PRDM16: variants seen among roughly 807,000 people sequenced by gnomAD.
PRDM16 encodes the protein histone-lysine N-methyltransferase PRDM16.
PRDM16 carries 23 observed loss-of-function variants against 110.6 expected under a neutral mutation model. That is an observed-to-expected ratio of 0.21 (90% CI 0.15 to 0.29). The LOEUF (loss-of-function observed/expected upper bound fraction) is 0.29, where lower values mean the gene tolerates loss of function less well. PRDM16 is among the 10% of genes least tolerant of loss of function. The pLI is 1.00. For synonymous variants in PRDM16, 799 were observed against 781.8 expected (o/e 1.02, Z -0.37); for missense variants, 1,615 against 1,794.3 (o/e 0.90, Z 1.81).
At chr1:3,345,457 C>G (rs765238935) in intron 3 of PRDM16, among the ~76,000 whole-genome samples, 50 of 152,186 alleles carry the variant, frequency 3.3e-4, no homozygotes, top group Non-Finnish European at 5.7e-4. Context: ...TGGCCTCATT[C>G]TGTCATCCTT....
chr1:3,133,112 C>T (rs1643367779), intron 1 of PRDM16: 2 of 152,274 alleles, frequency 1.3e-5, no homozygotes, highest in South Asian at 2.1e-4. Flanking sequence ...ACCAGCCCCG[C>T]ACCCTCCAGG....
At chr1:3,416,346 G>A (rs547166604) in intron 10 of PRDM16, among the ~76,000 whole-genome samples, 3 of 152,208 alleles carry the variant, frequency 2.0e-5, no homozygotes, top group African/African-American at 4.8e-5. Context: ...GACCCCAGCC[G>A]CGTGATGGGA....
At position 3,358,707 on chromosome 1, in the gene PRDM16, G is replaced by A. The variant is rs1455489873; in HGVS notation, c.439-26445G>A. On this transcript the variant is annotated intron_variant, in intron 3 of 16. Coordinates refer to ENST00000270722, the MANE Select transcript of PRDM16 (RefSeq NM_022114.4). This position sits in a 1 kb window ranked among gnomAD's most constrained non-coding sequence, Gnocchi z 4.0. Reference sequence around the variant, plus strand: ...GCTGGGGCTCCCGTGAACAAATATCGCCACGTGTGCGCGATCAGAGCTGAG... The same window carrying A: ...GCTGGGGCTCCCGTGAACAAATATCACCACGTGTGCGCGATCAGAGCTGAG... 6.6e-6 allele frequency among the ~76,000 whole-genome samples: 1 copy of A among 152,100 alleles called. No homozygotes were observed. Among genetic ancestry groups the A allele is most frequent in the Non-Finnish European group, 1.5e-5 (1 of 68,034 alleles).
chr1:3,322,457 G>C (rs776133901), intron 3 of PRDM16, among the ~76,000 whole-genome samples: 1 of 152,146 alleles, frequency 6.6e-6, no homozygotes, highest in Non-Finnish European at 1.5e-5. Context: ...CCTGGGCCTC[G>C]GGAATGAACC....
intron 3 of PRDM16, among the ~76,000 whole-genome samples, chr1:3,292,332 CTGCTCATTTTTAG>C (rs1640994051): frequency 6.6e-6 from 1 of 152,226 alleles, no homozygotes; most frequent in African/African-American, 2.4e-5. Flanking sequence ...CTTTCCAAAC[CTGCTCATTTTTAG>C]CCCCTGGGAA....
At chr1:3,188,059 A>G (rs1224537410) in intron 2 of PRDM16, among the ~76,000 whole-genome samples, 1 of 152,180 alleles carries the variant, frequency 6.6e-6, no homozygotes, top group African/African-American at 2.4e-5. Flanking sequence ...TTGGAGTCGA[A>G]GACCTCAGTG....
At chr1:3,344,847 T>G (rs1445664729) in intron 3 of PRDM16, among the ~76,000 whole-genome samples, 1 of 152,240 alleles carries the variant, frequency 6.6e-6, no homozygotes, top group Non-Finnish European at 1.5e-5. Flanking sequence ...ATCATCAAGC[T>G]CTTCTAAGTT....
At chr1:3,195,734 G>A (rs544533132) in intron 2 of PRDM16, among the ~76,000 whole-genome samples, 7 of 152,296 alleles carry the variant, frequency 4.6e-5, no homozygotes, top group African/African-American at 7.2e-5. Flanking sequence ...GGGCTTCTGC[G>A]TGGGGGCGTG....
At chr1:3,207,790 G>T (rs903142622) in intron 2 of PRDM16, 2 of 152,158 alleles carry the variant, frequency 1.3e-5, no homozygotes, top group Non-Finnish European at 2.9e-5. Context: ...TGACTCCAAG[G>T]CCGTCTCCAG....
intron 3 of PRDM16, among the ~76,000 whole-genome samples, chr1:3,258,857 T>C (rs184881831): frequency 5.5e-4 from 84 of 152,346 alleles, no homozygotes; most frequent in African/African-American, 1.9e-3. Flanking sequence ...GCTTTCTTCT[T>C]GCCTCCCAAA....
At chr1:3,401,781 G>A (rs1643477197) in intron 5 of PRDM16, among the ~76,000 whole-genome samples, 1 of 152,168 alleles carries the variant, frequency 6.6e-6, no homozygotes, top group African/African-American at 2.4e-5. Flanking sequence ...ATTCACACAT[G>A]CAAAGTATGC....
chr1:3,081,790 A>G lies in PRDM16; in HGVS notation c.37+12494A>G, dbSNP rs951045363. 3.3e-5 allele frequency among the ~76,000 whole-genome samples: 5 copies of G among 151,838 alleles called. No homozygotes were observed. Among genetic ancestry groups the G allele is most frequent in the Non-Finnish European group, 5.9e-5 (4 of 67,942 alleles). ...GAAGGCCCGTGTTGGGGGACCTTCC[A>G]TGGGCAGCAGGGCAGCAAGGGAGAC... On this transcript the variant is annotated intron_variant, in intron 1 of 16. Transcript: ENST00000270722. The surrounding 1 kb of genome is among the most constrained non-coding windows in gnomAD (Gnocchi z 4.6).
intron 9 of PRDM16, 99 bp downstream of exon 9, chr1:3,412,899 AG>A (rs1643717875): frequency 9.6e-7 from 1 of 1,046,474 alleles, no homozygotes; most frequent in Non-Finnish European, 1.3e-6. Flanking sequence ...AGCTCCTCCA[AG>A]GTCGTCCCCC....
At chr1:3,410,716 G>A (rs537701197) in intron 8 of PRDM16, among the ~76,000 whole-genome samples, 4 of 152,288 alleles carry the variant, frequency 2.6e-5, no homozygotes, top group East Asian at 1.9e-4. Flanking sequence ...CGTGGTCAGC[G>A]TCCTGCCCCC....
In PRDM16 at chr1:3,359,901, C is replaced by T. The variant is rs114597441; in HGVS notation, c.439-25251C>T. Reference sequence around the variant, plus strand: ...TGCAGGATCTCTTGGAAGACGGATGCCGTGTGCACGCAAAGACGGCAGCCA... The same window carrying T: ...TGCAGGATCTCTTGGAAGACGGATGTCGTGTGCACGCAAAGACGGCAGCCA... On this transcript the variant is annotated intron_variant, in intron 3 of 16. Coordinates refer to ENST00000270722, the MANE Select transcript of PRDM16 (RefSeq NM_022114.4). This position sits in a 1 kb window ranked among gnomAD's most constrained non-coding sequence, Gnocchi z 4.3. Among the ~76,000 whole-genome samples the T allele has an allele frequency of 2.1e-3, 324 of 152,322 alleles. No individual in the cohort carries two copies. The highest frequency in any genetic ancestry group is 7.5e-3 in the African/African-American group (312 of 41,578).
intron 1 of PRDM16, among the ~76,000 whole-genome samples, chr1:3,181,172 G>GGTCTTACACACACA (rs1644162749): frequency 2.7e-4 from 33 of 120,934 alleles, no homozygotes; most frequent in Admixed American, 4.5e-4. Flanking sequence ...GCGGTCTTAC[G>GGTCTTACACACACA]GTCTTACACA....
intron 1 of PRDM16, among the ~76,000 whole-genome samples, chr1:3,166,177 C>A (rs1325162200): frequency 6.6e-6 from 1 of 152,252 alleles, no homozygotes; most frequent in South Asian, 2.1e-4. Context: ...GATTTCCAAG[C>A]CTGGCTTTTT....
intron 2 of PRDM16, among the ~76,000 whole-genome samples, chr1:3,233,348 C>T (rs1046588627): frequency 6.6e-6 from 1 of 152,228 alleles, no homozygotes; most frequent in African/African-American, 2.4e-5. Context: ...GTCGGGACAG[C>T]CACTTTGGGG....
chr1:3,112,610 G>A (rs562573825), intron 1 of PRDM16, among the ~76,000 whole-genome samples: 1 of 152,352 alleles, frequency 6.6e-6, no homozygotes, highest in Admixed American at 6.5e-5. Context: ...GCTGCTGGTG[G>A]AGGGAGCGTC....
Sources: allele counts gnomAD v4.1 joint callset (sites outside exome capture counted in the v4.1 genomes callset), GRCh38; gene constraint gnomAD v4.1.1; non-coding constraint Gnocchi (gnomAD v3.1); transcripts MANE v1.5; gene names NCBI Gene and HGNC (gene_info 2026-07-23, HGNC 2026-07-21).